The following SHANK2 variants were observed in gnomAD, a reference collection of about 807,000 sequenced individuals.
SHANK2 encodes SH3 and multiple ankyrin repeat domains protein 2.
A neutral mutation model predicts 133.7 loss-of-function variants in SHANK2; 43 were observed. The ratio of observed to expected loss-of-function variants is 0.32; its 90% CI spans 0.25 to 0.41. The LOEUF (loss-of-function observed/expected upper bound fraction) is 0.41, where lower values mean the gene tolerates loss of function less well. SHANK2 is among the 10% of genes least tolerant of loss of function. SHANK2 has a pLI of 1.00. For synonymous variants in SHANK2, 1,017 were observed against 952.8 expected, an observed-to-expected ratio of 1.07 and a Z score of -1.24; for missense variants, 1,994 against 2,235.8, an observed-to-expected ratio of 0.89 and a Z score of 2.18.
intron 14 of SHANK2, among the ~76,000 whole-genome samples, chr11:70,751,489 A>G (rs7109489): frequency 6.6e-6 from 1 of 151,990 alleles, no homozygotes; most frequent in South Asian, 2.1e-4. Flanking sequence ...ATTTGTGGCC[A>G]GCAGGTCAAC....
At chr11:70,634,541 C>A (rs537612486) in intron 17 of SHANK2, 1 of 152,072 alleles carries the variant, frequency 6.6e-6, no homozygotes. Flanking sequence ...TACAACTCAA[C>A]AACAGAAACA....
Position 70,471,710 on chromosome 11 carries a change from C to T in SHANK2, c.*1159G>A, listed in dbSNP as rs1385303238. On this transcript the variant is annotated 3_prime_UTR_variant, in exon 26 of 26. Coordinates refer to ENST00000601538, the MANE Select transcript of SHANK2 (RefSeq NM_012309.5). This position sits in a 1 kb window ranked among gnomAD's most constrained non-coding sequence, Gnocchi z 4.1. ...ACACCCAGAGCGATAGGGGAAAAGC[C>T]TCTAAGTACCATCTTCCCTGGCCTC... The T allele has an allele frequency of 7.2e-6, 2 of 278,244 alleles. No individual in the cohort carries two copies. Among genetic ancestry groups the T allele is most frequent in the Non-Finnish European group, 1.3e-5 (2 of 150,270 alleles). 17.2% of individuals were successfully genotyped at this position (278,244 alleles called of 1,614,324 possible). A position where few individuals can be genotyped will look rare whatever the true frequency, so the allele number is the denominator to read the frequency against.
chr11:71,085,891 T>TA (rs1951393897), intron 8 of SHANK2, among the ~76,000 whole-genome samples: 1 of 118 alleles, frequency 8.5e-3, no homozygotes, highest in African/African-American at 0.019. Context: ...ATAACCTTAA[T>TA]ATATATATTA....
chr11:70,575,106 C>T (rs1554983955), intron 17 of SHANK2, among the ~76,000 whole-genome samples: 1 of 152,120 alleles, frequency 6.6e-6, no homozygotes, highest in Admixed American at 6.6e-5. Context: ...CCTCCTTGCT[C>T]CCTGCTCTGG....
chr11:70,506,341 A>AG (rs1326996605), intron 17 of SHANK2, among the ~76,000 whole-genome samples: 1 of 152,136 alleles, frequency 6.6e-6, no homozygotes, highest in Non-Finnish European at 1.5e-5. Context: ...ACTCCTAATC[A>AG]GGGCTCCCCA....
chr11:70,512,852 G>A (rs917352051), intron 17 of SHANK2, among the ~76,000 whole-genome samples: 1 of 152,196 alleles, frequency 6.6e-6, no homozygotes, highest in Non-Finnish European at 1.5e-5. Context: ...CCCAAATAGA[G>A]TTAGGACATA....
intron 8 of SHANK2, among the ~76,000 whole-genome samples, chr11:71,090,067 G>C (rs1951479260): frequency 1.4e-5 from 2 of 148,104 alleles, no homozygotes; most frequent in Non-Finnish European, 3.0e-5. Context: ...ATATCAGTCA[G>C]GGTTCTACAG....
At chr11:70,907,718 C>T (rs1324968896) in intron 10 of SHANK2, 5 of 278,274 alleles carry the variant, frequency 1.8e-5, no homozygotes, top group Middle Eastern at 4.3e-4. Context: ...GGGAAATCTA[C>T]ATAATCATCT....
chr11:70,757,856 C>A (rs1397611295), intron 14 of SHANK2, among the ~76,000 whole-genome samples: 1 of 152,182 alleles, frequency 6.6e-6, no homozygotes, highest in Non-Finnish European at 1.5e-5. Context: ...AGGGTTGCTA[C>A]AACAAATGAC....
intron 14 of SHANK2, among the ~76,000 whole-genome samples, chr11:70,736,968 A>G (rs1410952686): frequency 6.6e-6 from 1 of 152,128 alleles, no homozygotes; most frequent in East Asian, 1.9e-4. Flanking sequence ...TGGCCTCTAG[A>G]ATCCCAGTTT....
At chr11:70,602,336 C>T (rs998278871) in intron 17 of SHANK2, among the ~76,000 whole-genome samples, 1 of 152,238 alleles carries the variant, frequency 6.6e-6, no homozygotes, top group Non-Finnish European at 1.5e-5. Context: ...CCTAATGCAA[C>T]TCCCTGCAGA....
chr11:70,615,932 C>A (rs542552891), intron 17 of SHANK2, among the ~76,000 whole-genome samples: 3 of 152,254 alleles, frequency 2.0e-5, no homozygotes, highest in South Asian at 2.1e-4. Flanking sequence ...GGGTGGGCAC[C>A]AGCATTTACT....
At chr11:70,528,363 T>C (rs1554972536) in intron 17 of SHANK2, among the ~76,000 whole-genome samples, 1 of 152,186 alleles carries the variant, frequency 6.6e-6, no homozygotes, top group Non-Finnish European at 1.5e-5. Flanking sequence ...TCCTTGCCAG[T>C]GCCTCGACGC....
chr11:70,700,617 G>A (rs1555023392), intron 14 of SHANK2, among the ~76,000 whole-genome samples: 1 of 152,200 alleles, frequency 6.6e-6, no homozygotes, highest in East Asian at 1.9e-4. Context: ...AGGTGCAGGA[G>A]GACACCTGTG....
chr11:70,929,625 G>A lies in SHANK2; in HGVS notation c.1108-33058C>T, dbSNP rs188536359. Among the ~76,000 whole-genome samples, 135 of 152,264 alleles carry A rather than the reference G, an allele frequency of 8.9e-4. 1 individual carries two copies. Among genetic ancestry groups the A allele is most frequent in the African/African-American group, 3.0e-3 (125 of 41,540 alleles). ...CCTCCGTGCCTGTTGTCACATGACT[G>A]CTGACTCTGACCCTCTGCCTTCCTC... is the stretch of plus-strand genomic sequence containing the variant. On this transcript the variant is annotated intron_variant, in intron 10 of 25. Transcript: ENST00000601538.
intron 17 of SHANK2, among the ~76,000 whole-genome samples, chr11:70,527,449 G>T (rs1162198284): frequency 2.0e-5 from 3 of 152,148 alleles, no homozygotes; most frequent in Non-Finnish European, 4.4e-5. Flanking sequence ...GGCTCAGGTG[G>T]GGCCTGATTC....
intron 15 of SHANK2, among the ~76,000 whole-genome samples, chr11:70,675,166 T>G (rs1335028557): frequency 6.6e-6 from 1 of 152,236 alleles, no homozygotes; most frequent in African/African-American, 2.4e-5. Context: ...GAAACACCTC[T>G]TTACTTTGTC....
rs138089772 is a variant in SHANK2 at position 71,248,841 on chromosome 11, C to A, written c.-113+3584G>T. Among the ~76,000 whole-genome samples the A allele has an allele frequency of 1.7e-3, 256 of 152,246 alleles. 2 individuals carry two copies. The highest frequency in any genetic ancestry group is 6.0e-3 in the African/African-American group (250 of 41,550). On this transcript the variant is annotated intron_variant, in intron 1 of 25. Coordinates refer to ENST00000601538, the MANE Select transcript of SHANK2 (RefSeq NM_012309.5). ...CGCTGGGTTGGGGACCCTTTCTATG[C>A]CCTGCAGCACTCGATGCTCACCTCC... is the stretch of plus-strand genomic sequence containing the variant.
intron 14 of SHANK2, among the ~76,000 whole-genome samples, chr11:70,745,007 T>C (rs936063554): frequency 1.3e-5 from 2 of 152,216 alleles, no homozygotes; most frequent in Admixed American, 6.5e-5. Flanking sequence ...ACCGGCGCCC[T>C]GACCCAGCAT....
Sources: allele counts gnomAD v4.1 joint callset (sites outside exome capture counted in the v4.1 genomes callset), GRCh38; gene constraint gnomAD v4.1.1; non-coding constraint Gnocchi (gnomAD v3.1); transcripts MANE v1.5; gene names NCBI Gene and HGNC (gene_info 2026-07-23, HGNC 2026-07-21).